CSMD1: variants seen among roughly 807,000 people sequenced by gnomAD.
CSMD1 encodes the protein CUB and Sushi multiple domains 1.
A neutral mutation model predicts 417.5 loss-of-function variants in CSMD1; 213 were observed. That is an observed-to-expected ratio of 0.51 (90% CI 0.46 to 0.57). The LOEUF (loss-of-function observed/expected upper bound fraction) is 0.57. Among genes scored for constraint, CSMD1 ranks in the 20% least tolerant of loss-of-function variants. CSMD1 has a pLI of 0.00. For missense variants in CSMD1, 6,923 were observed against 4,529.7 expected, an observed-to-expected ratio of 1.53 and a Z score of -15.17; for synonymous variants, 2,862 against 1,736.8, an observed-to-expected ratio of 1.65 and a Z score of -16.11.
chr8:3,580,807 C>T (rs567157608), intron 9 of CSMD1, among the ~76,000 whole-genome samples: 32 of 152,190 alleles, frequency 2.1e-4, no homozygotes, highest in African/African-American at 5.3e-4. Flanking sequence ...AGTCATCTTT[C>T]GGGGTAAATG....
intron 23 of CSMD1, among the ~76,000 whole-genome samples, chr8:3,341,527 T>C (rs776707022): frequency 7.9e-5 from 12 of 152,040 alleles, no homozygotes; most frequent in Non-Finnish European, 1.6e-4. Flanking sequence ...CTGAGCACAA[T>C]GTGTTTTTTG....
intron 9 of CSMD1, among the ~76,000 whole-genome samples, chr8:3,585,753 A>G (rs578220636): frequency 6.6e-6 from 1 of 152,288 alleles, no homozygotes; most frequent in African/African-American, 2.4e-5. Flanking sequence ...AAAAAATTCA[A>G]CCTCACTGCA....
At chr8:2,998,865 T>G (rs1440483059) in intron 53 of CSMD1, among the ~76,000 whole-genome samples, 2 of 152,220 alleles carry the variant, frequency 1.3e-5, no homozygotes, top group African/African-American at 2.4e-5. Flanking sequence ...CTCATTTATC[T>G]TGTCAACAAT....
intron 12 of CSMD1, among the ~76,000 whole-genome samples, chr8:3,423,171 G>A (rs922011817): frequency 1.3e-5 from 2 of 152,198 alleles, no homozygotes; most frequent in Non-Finnish European, 2.9e-5. Flanking sequence ...GAATGAATTA[G>A]GTACCACAAA....
At position 4,951,606 on chromosome 8, in the gene CSMD1, G is replaced by T. The variant is rs1378394743; in HGVS notation, c.85+42726C>A. Among the ~76,000 whole-genome samples the T allele has an allele frequency of 3.3e-5, 5 of 151,206 alleles. No homozygotes were observed. In the East Asian group the frequency reaches 9.7e-4, roughly 29 times the overall value. ...GCAAAAAAAAAAGAAAAACCTGCGG[G>T]GTTTTTTTAATGCCTGTGAATGACT... On this transcript the variant is annotated intron_variant, in intron 1 of 69. Transcript: ENST00000635120.
intron 5 of CSMD1, among the ~76,000 whole-genome samples, chr8:3,872,527 T>C (rs1805544237): frequency 6.6e-6 from 1 of 152,200 alleles, no homozygotes; most frequent in South Asian, 2.1e-4. Context: ...TTCTGCCAGG[T>C]CACTGAAAGG....
intron 7 of CSMD1, among the ~76,000 whole-genome samples, chr8:3,674,212 A>T (rs544415769): frequency 7.8e-4 from 119 of 152,346 alleles, no homozygotes; most frequent in African/African-American, 2.8e-3. Context: ...CTCTAGAATT[A>T]TCAAAAGCAG....
chr8:3,277,881 T>C (rs1447430089), intron 26 of CSMD1, among the ~76,000 whole-genome samples: 2 of 152,334 alleles, frequency 1.3e-5, no homozygotes, highest in African/African-American at 4.8e-5. Context: ...CATTCCATCA[T>C]TTCTTCCCTA....
chr8:4,583,663 C>G (rs896551861), intron 2 of CSMD1, among the ~76,000 whole-genome samples: 2 of 152,136 alleles, frequency 1.3e-5, no homozygotes, highest in Non-Finnish European at 2.9e-5. Context: ...CTGTATCTAA[C>G]TAATCTGATG....
intron 6 of CSMD1, among the ~76,000 whole-genome samples, chr8:3,727,431 T>C (rs907359167): frequency 1.3e-5 from 2 of 152,168 alleles, no homozygotes; most frequent in South Asian, 2.1e-4. Context: ...TTTTCCTGTC[T>C]AATATTCTAA....
chr8:3,489,645 G>A (rs1054374605), intron 11 of CSMD1, among the ~76,000 whole-genome samples: 5 of 152,268 alleles, frequency 3.3e-5, no homozygotes, highest in Non-Finnish European at 7.4e-5. Flanking sequence ...CTCAGGGAAG[G>A]TGGATTACAG....
chr8:4,846,618 C>G (rs1410221043), intron 1 of CSMD1, among the ~76,000 whole-genome samples: 1 of 152,198 alleles, frequency 6.6e-6, no homozygotes, highest in East Asian at 1.9e-4. Flanking sequence ...ACTACTCCAG[C>G]AATTCCTAGA....
chr8:4,349,043 C>G (rs1389200524), intron 3 of CSMD1, among the ~76,000 whole-genome samples: 1 of 152,166 alleles, frequency 6.6e-6, no homozygotes, highest in African/African-American at 2.4e-5. Context: ...TACATTCTTG[C>G]TAATTTAGTT....
intron 3 of CSMD1, among the ~76,000 whole-genome samples, chr8:4,223,538 C>T (rs943773360): frequency 2.6e-5 from 4 of 152,354 alleles, no homozygotes; most frequent in African/African-American, 9.6e-5. Context: ...CGTTAATAAC[C>T]ACCAGGAGAG....
chr8:4,643,837 C>T (rs1287886874), intron 1 of CSMD1, among the ~76,000 whole-genome samples: 4 of 152,132 alleles, frequency 2.6e-5, no homozygotes, highest in African/African-American at 9.7e-5. Flanking sequence ...CCGGGGACTT[C>T]GATTAAGGGT....
chr8:4,238,889 T>C (rs575706839), intron 3 of CSMD1, among the ~76,000 whole-genome samples: 2 of 152,274 alleles, frequency 1.3e-5, no homozygotes, highest in South Asian at 4.1e-4. Flanking sequence ...AGCAAATGCT[T>C]TTTTGAGTTT....
chr8:3,885,271 C>T (rs550216089), intron 5 of CSMD1, among the ~76,000 whole-genome samples: 1 of 152,200 alleles, frequency 6.6e-6, no homozygotes, highest in East Asian at 1.9e-4. Flanking sequence ...TAGCATCAGA[C>T]AGGTGTGAGT....
At chr8:3,773,552 G>T (rs892018691) in intron 5 of CSMD1, among the ~76,000 whole-genome samples, 8 of 152,124 alleles carry the variant, frequency 5.3e-5, no homozygotes, top group Non-Finnish European at 1.0e-4. Context: ...CTCCCAAACT[G>T]CTGAAATTAC....
chr8:4,931,061 G>A (rs1391162986), intron 1 of CSMD1, among the ~76,000 whole-genome samples: 1 of 152,130 alleles, frequency 6.6e-6, no homozygotes, highest in Non-Finnish European at 1.5e-5. Context: ...TGACTTATCT[G>A]TAATAATTGG....
Sources: gnomAD v4.1 joint callset for allele counts (sites outside exome capture counted in the v4.1 genomes callset) on GRCh38, gnomAD v4.1.1 for gene constraint, MANE v1.5 for transcripts, NCBI Gene and HGNC (gene_info 2026-07-23, HGNC 2026-07-21) for gene names.